SAFB2: variants seen among roughly 807,000 people sequenced by gnomAD.
SAFB2 encodes the protein scaffold attachment factor B2.
Under a neutral mutation model 100.6 loss-of-function variants are expected in SAFB2, and 32 were observed. That is an observed-to-expected ratio of 0.32 (90% CI 0.24 to 0.43). The LOEUF is 0.43. SAFB2 is among the 20% of genes least tolerant of loss of function. The pLI, the probability that SAFB2 is intolerant of heterozygous loss-of-function variation, is 1.00. For synonymous variants in SAFB2, 500 were observed against 439.4 expected, an observed-to-expected ratio of 1.14 and a Z score of -1.72; for missense variants, 1,185 against 1,163.4, an observed-to-expected ratio of 1.02 and a Z score of -0.27.
rs1599217043 is a variant in SAFB2, at chr19:5,587,677, TCCTCC to T, written c.2705+19_2705+23del. The T allele has an allele frequency of 6.5e-7, 1 of 1,536,264 alleles. No homozygotes were observed. The highest frequency in any genetic ancestry group is 8.8e-7 in the Non-Finnish European group (1 of 1,140,382). On this transcript the variant is annotated intron_variant, in intron 20 of 20. Transcript: ENST00000252542. The surrounding 1 kb of genome is among the most constrained non-coding windows in gnomAD (Gnocchi z 4.9). ...AGTGAGGAGCAGGAGTGAACCACCG[TCCTCC>T]ACGGACGACACACCTTACCCCGCCA...
At chr19:5,600,026 C>T (rs1444595621) in intron 12 of SAFB2, 104 bp downstream of exon 12, 40 of 1,210,370 alleles carry the variant, frequency 3.3e-5, no homozygotes, top group Non-Finnish European at 2.3e-6. Flanking sequence ...AACAGCGAAA[C>T]AGCCATGTCA....
chr19:5,613,633 T>C (rs750771450), intron 4 of SAFB2, 106 bp from the exon 5 acceptor site: 94 of 1,525,058 alleles, frequency 6.2e-5, no homozygotes, highest in Non-Finnish European at 7.5e-5. Context: ...ACGGCACCTT[T>C]TGCCATCTGC....
chr19:5,593,784 C>A (rs1298381373), intron 15 of SAFB2, 107 bp downstream of exon 15: 17 of 1,225,518 alleles, frequency 1.4e-5, no homozygotes, highest in Middle Eastern at 5.8e-4. Context: ...TATCAAATTT[C>A]ATTCTCCCCA....
intron 11 of SAFB2, among the ~76,000 whole-genome samples, chr19:5,603,676 T>TGA (rs547834074): frequency 2.0e-5 from 3 of 151,756 alleles, no homozygotes; most frequent in Non-Finnish European, 2.9e-5. Flanking sequence ...GGTGCCACCG[T>TGA]GAACTCACAG....
rs1199227410 is a variant in SAFB2, at chr19:5,611,106, G to A, written c.1145+14C>T. ...AGGAGATAGCGTCTGGTCTAAAACT[G>A]AGAAAAAACAAACCTCATTTTCTGA... On this transcript the variant is annotated intron_variant, in intron 7 of 20. Transcript: ENST00000252542. The A allele has an allele frequency of 2.7e-6, 1 of 369,482 alleles. No individual in the cohort carries two copies. The highest frequency in any genetic ancestry group is 5.1e-5 in the Admixed American group (1 of 19,450). 22.9% of individuals were successfully genotyped at this position (369,482 alleles called of 1,614,324 possible).
chr19:5,612,077 T>C (rs1429951393), intron 6 of SAFB2: 3 of 330,240 alleles, frequency 9.1e-6, no homozygotes, highest in Admixed American at 4.8e-5. Flanking sequence ...ATAAACGCAG[T>C]CCGGAAGGGG....
intron 6 of SAFB2, 169 bp from the exon 7 acceptor site, chr19:5,611,799 C>T (rs1049468017): frequency 1.5e-5 from 9 of 607,706 alleles, no homozygotes; most frequent in Admixed American, 2.9e-5. Context: ...ACACTACCTG[C>T]GCCGCGACCG....
In SAFB2 at chr19:5,613,486, C is replaced by A; in HGVS notation, c.585G>T (p.Ser195=). Residue 195 remains serine (S), a synonymous_variant, in exon 5 of 21, where the codon TCG becomes TCT. Transcript: ENST00000252542. Reference sequence around the variant, plus strand: ...TTACCGGAGTTACTTTGAAGTTCAACGATGAAGTTTCCAAAGTGTTCTTAA... The same window carrying A: ...TTACCGGAGTTACTTTGAAGTTCAAAGATGAAGTTTCCAAAGTGTTCTTAA... ...EGFKNTLETS[S]LNFKVTPDIE... 6.2e-7 allele frequency: 1 copy of A among 1,613,848 alleles called. No individual in the cohort carries two copies. Among genetic ancestry groups the A allele is most frequent in the Non-Finnish European group, 8.5e-7 (1 of 1,179,832 alleles).
Position 5,604,933 on chromosome 19 carries a change from C to T in SAFB2, c.1300G>A (p.Val434Ile). 1 of 1,612,308 alleles carries T rather than the reference C, an allele frequency of 6.2e-7. No individual in the cohort carries two copies. Among genetic ancestry groups the T allele is most frequent in the Non-Finnish European group, 8.5e-7 (1 of 1,179,888 alleles). Residue 434 changes from valine (V) to isoleucine (I), a missense_variant, in exon 10 of 21, where the codon GTC (valine) becomes ATC (isoleucine). By Grantham distance (29) the Val-to-Ile change is conservative (BLOSUM62 3). This residue lies in a region of SAFB2 where 94 missense variants were observed against 135.1 expected (regional missense o/e 0.70). Coordinates refer to ENST00000252542, the MANE Select transcript of SAFB2 (RefSeq NM_014649.3). ...GCGTTCGTTACCACTTTGGCCCCGA[C>T]AACCTTCATGAAAAAGGGCACTCTT... The part of the protein sequence containing the change: ...KNLFSKYGKV[V>I]GAKVVTNARS...
chr19:5,605,038 TC>T, intron 9 of SAFB2, 102 bp from the exon 10 acceptor site: 1 of 1,339,102 alleles, frequency 7.5e-7, no homozygotes, highest in Non-Finnish European at 1.0e-6. Flanking sequence ...TTGTCACCTC[TC>T]CCCATATGGT....
chr19:5,593,843 C>A, intron 15 of SAFB2, 48 bp downstream of exon 15: 4 of 1,406,990 alleles, frequency 2.8e-6, no homozygotes, highest in Non-Finnish European at 3.7e-6. Context: ...GGGTGAACAC[C>A]GCTGCCACGC....
At chr19:5,602,898 A>C in intron 11 of SAFB2, among the ~76,000 whole-genome samples, 1 of 150,854 alleles carries the variant, frequency 6.6e-6, no homozygotes, top group African/African-American at 2.5e-5. Context: ...ATTAAATTAG[A>C]GGGCTCACCG....
chr19:5,616,569 G>C (rs948985255), intron 2 of SAFB2, 83 bp from the exon 3 acceptor site: 16 of 1,102,188 alleles, frequency 1.5e-5, no homozygotes, highest in Middle Eastern at 4.2e-4. Context: ...TTCAATCTTA[G>C]AACAGAACAC....
Position 5,596,955 on chromosome 19 carries a change from C to A in SAFB2, c.1783-1458G>T, listed in dbSNP as rs1599238911. Among the ~76,000 whole-genome samples, 5 of 152,316 alleles carry A rather than the reference C, an allele frequency of 3.3e-5. 1 individual carries two copies. The highest frequency in any genetic ancestry group is 3.3e-4 in the Admixed American group (5 of 15,306). On this transcript the variant is annotated intron_variant, in intron 13 of 20. Transcript: ENST00000252542. ...AGGCAAAGGTCAAGATGAGACATTA[C>A]ACCAATTATTAATAAAATGCAGGCT... is the stretch of plus-strand genomic sequence containing the variant.
intron 15 of SAFB2, among the ~76,000 whole-genome samples, chr19:5,593,141 T>C (rs2052451108): frequency 6.6e-6 from 1 of 152,236 alleles, no homozygotes; most frequent in Non-Finnish European, 1.5e-5. Flanking sequence ...GAGCTCATTG[T>C]CTCGTGAGGC....
chr19:5,603,857 T>G (rs2052715932), intron 11 of SAFB2, among the ~76,000 whole-genome samples: 1 of 152,240 alleles, frequency 6.6e-6, no homozygotes, highest in African/African-American at 2.4e-5. Context: ...TTCCTTTGGA[T>G]GATGCTTTAT....
intron 1 of SAFB2, among the ~76,000 whole-genome samples, chr19:5,622,217 C>G (rs944796437): frequency 6.6e-6 from 1 of 152,238 alleles, no homozygotes; most frequent in African/African-American, 2.4e-5. Context: ...GGCACCTGCC[C>G]AAGGTCACAG....
intron 4 of SAFB2, among the ~76,000 whole-genome samples, chr19:5,615,910 G>A (rs2053017406): frequency 6.6e-6 from 1 of 152,174 alleles, no homozygotes; most frequent in African/African-American, 2.4e-5. Context: ...CTCACCACAT[G>A]CTTCGAATTA....
chr19:5,613,161 C>T (rs1411227865), intron 5 of SAFB2, among the ~76,000 whole-genome samples: 1 of 152,186 alleles, frequency 6.6e-6, no homozygotes, highest in Non-Finnish European at 1.5e-5. Context: ...GCTCCAAATT[C>T]TTCTTTCCCT....
Sources: gnomAD v4.1 joint callset for allele counts (sites outside exome capture counted in the v4.1 genomes callset) on GRCh38, gnomAD v4.1.1 for gene constraint, gnomAD v4.1.1 regional missense constraint, Gnocchi (gnomAD v3.1) non-coding constraint, MANE v1.5 for transcripts, NCBI Gene and HGNC (gene_info 2026-07-23, HGNC 2026-07-21) for gene names.